The following KNDC1 variants were observed in gnomAD, a reference collection of about 807,000 sequenced individuals.
The protein encoded by KNDC1 is kinase non-catalytic C-lobe domain-containing protein 1.
In KNDC1, 106 loss-of-function variants were observed where a neutral mutation model predicts 172.8. The observed-to-expected ratio is 0.61, with a 90% confidence interval of 0.52 to 0.72. KNDC1 has a LOEUF of 0.72. Among genes scored for constraint, KNDC1 ranks in the 30% least tolerant of loss-of-function variants. The pLI, the probability that KNDC1 is intolerant of heterozygous loss-of-function variation, is 0.00. For synonymous variants in KNDC1, 1,083 were observed against 1,062.2 expected, an observed-to-expected ratio of 1.02 and a Z score of -0.38; for missense variants, 2,325 against 2,394.5, an observed-to-expected ratio of 0.97 and a Z score of 0.61.
intron 5 of KNDC1, 52 bp from the exon 6 acceptor site, chr10:133,185,921 AG>A (rs1270628406): frequency 6.2e-6 from 6 of 960,382 alleles, no homozygotes; most frequent in Admixed American, 7.8e-5. Context: ...GCGGGAGGAG[AG>A]GGGAGGGGCG....
Position 133,160,636 on chromosome 10 carries a change from G to A in KNDC1, c.102+67G>A, listed in dbSNP as rs902130154. 4.6e-6 allele frequency: 5 copies of A among 1,089,422 alleles called. No individual in the cohort carries two copies. In the East Asian group the frequency reaches 1.2e-4, roughly 27 times the overall value. 67.5% of individuals were successfully genotyped at this position (1,089,422 alleles called of 1,614,324 possible). On this transcript the variant is annotated intron_variant, in intron 1 of 29. Coordinates refer to ENST00000304613, the MANE Select transcript of KNDC1 (RefSeq NM_152643.8). ...GGGGTCCGCGGAGAGCGCCCGGGGG[G>A]AGGACCCGGGAGGGGCTGTGAGCTC...
At chr10:133,215,838 C>A (rs1031443641) in intron 26 of KNDC1, among the ~76,000 whole-genome samples, 2 of 152,260 alleles carry the variant, frequency 1.3e-5, no homozygotes, top group African/African-American at 2.4e-5. Context: ...TGCAGGCTCA[C>A]ACCCAGGGCT....
intron 20 of KNDC1, 104 bp from the exon 21 acceptor site, chr10:133,210,507 A>C: frequency 1.4e-6 from 1 of 704,812 alleles, no homozygotes; most frequent in South Asian, 1.6e-5. Context: ...TGATACTCAA[A>C]GAAAACGCAC....
chr10:133,189,569 T>C (rs756965104), intron 7 of KNDC1, 29 bp from the exon 8 acceptor site: 2 of 1,606,880 alleles, frequency 1.2e-6, no homozygotes, highest in South Asian at 1.1e-5. Context: ...GCAGCATGCA[T>C]ACCCGCCCTG....
At chr10:133,197,946 T>A (rs1854240463) in intron 12 of KNDC1, among the ~76,000 whole-genome samples, 178 bp downstream of exon 12, 1 of 151,056 alleles carries the variant, frequency 6.6e-6, no homozygotes, top group Non-Finnish European at 1.5e-5. Flanking sequence ...AGCCCCCATC[T>A]CCCAAAACTC....
At chr10:133,169,584 C>G (rs368053748) in intron 3 of KNDC1, among the ~76,000 whole-genome samples, 2 of 152,122 alleles carry the variant, frequency 1.3e-5, no homozygotes, top group Admixed American at 1.3e-4. Flanking sequence ...GCCTCTGCTG[C>G]GGGGGTCCTA....
At chr10:133,211,390 CT>C in intron 21 of KNDC1, 31 bp from the exon 22 acceptor site, 2 of 1,602,288 alleles carry the variant, frequency 1.2e-6, no homozygotes, top group Non-Finnish European at 1.7e-6. Context: ...CTCCCACATC[CT>C]GGCAGCTCAG....
intron 7 of KNDC1, 39 bp downstream of exon 7, chr10:133,188,692 C>T (rs1398314464): frequency 3.8e-6 from 4 of 1,057,926 alleles, no homozygotes; most frequent in East Asian, 4.9e-5. Flanking sequence ...GCCGTCCCCA[C>T]CCCCCACTGC....
At chr10:133,200,593 G>T (rs1854335596) in intron 16 of KNDC1, 133 bp downstream of exon 16, 1 of 710,194 alleles carries the variant, frequency 1.4e-6, no homozygotes, top group South Asian at 2.8e-5. Context: ...TTTGCCCCGG[G>T]GGTGCCCAGC....
chr10:133,196,372 C>T (rs564126305), intron 10 of KNDC1, among the ~76,000 whole-genome samples: 42 of 152,236 alleles, frequency 2.8e-4, no homozygotes, highest in African/African-American at 9.4e-4. Context: ...GCAGGTGGGG[C>T]AGGAGCCAAA....
At chr10:133,173,099 A>G (rs1007076001) in intron 3 of KNDC1, among the ~76,000 whole-genome samples, 1 of 152,224 alleles carries the variant, frequency 6.6e-6, no homozygotes, top group African/African-American at 2.4e-5. Flanking sequence ...CTTCAGCTGC[A>G]GGTGCTCTCC....
Position 133,173,133 on chromosome 10 carries a change from A to C in KNDC1, c.360+4821A>C, listed in dbSNP as rs947839769. On this transcript the variant is annotated intron_variant, in intron 3 of 29. Coordinates refer to ENST00000304613, the MANE Select transcript of KNDC1 (RefSeq NM_152643.8). ...CCTCTTCAGGCGCTGCATTAGCTGC[A>C]GGTCACCCCAATTCTCTGATTGGAC... is the stretch of plus-strand genomic sequence containing the variant. Among the ~76,000 whole-genome samples the C allele has an allele frequency of 7.2e-5, 11 of 152,224 alleles. No individual in the cohort carries two copies. The South Asian group carries it at 8.3e-4, about 11-fold the overall frequency.
At chr10:133,217,050 CG>C (rs1564900718) in intron 26 of KNDC1, among the ~76,000 whole-genome samples, 1 of 152,198 alleles carries the variant, frequency 6.6e-6, no homozygotes, top group Non-Finnish European at 1.5e-5. Context: ...TCGTGTTGAA[CG>C]GGGACCGAGT....
chr10:133,212,255 GCA>G (rs1554920353), intron 23 of KNDC1, among the ~76,000 whole-genome samples: 1 of 150,442 alleles, frequency 6.6e-6, no homozygotes, highest in African/African-American at 2.5e-5. Context: ...ATCCACACAT[GCA>G]CACACGTGCA....
chr10:133,179,771 C>T (rs974601527), intron 3 of KNDC1, among the ~76,000 whole-genome samples: 1 of 152,184 alleles, frequency 6.6e-6, no homozygotes, highest in Non-Finnish European at 1.5e-5. Context: ...CACAGAGAGG[C>T]CCGGAGCAGG....
At chr10:133,222,201 T>C (rs113089024) in intron 29 of KNDC1, among the ~76,000 whole-genome samples, 8 of 145,780 alleles carry the variant, frequency 5.5e-5, no homozygotes, top group East Asian at 2.1e-4. Context: ...GAGAATGGCG[T>C]GAACCCGGGA....
intron 3 of KNDC1, among the ~76,000 whole-genome samples, chr10:133,176,918 G>A (rs1398769079): frequency 1.3e-5 from 2 of 152,232 alleles, no homozygotes; most frequent in African/African-American, 2.4e-5. Context: ...AGCACAGCTC[G>A]GAAATGTGCA....
chr10:133,178,581 C>T (rs1460220020), intron 3 of KNDC1, among the ~76,000 whole-genome samples: 1 of 152,092 alleles, frequency 6.6e-6, no homozygotes, highest in Non-Finnish European at 1.5e-5. Flanking sequence ...GGTTCCGGTC[C>T]CCCCTCTGCT....
At position 133,214,082 on chromosome 10, in the gene KNDC1, C is replaced by A; in HGVS notation, c.4637C>A (p.Thr1546Asn). ...QLLRNADDVS[T>N]WVAAEIVTSH... Reference sequence around the variant, plus strand: ...CTAAGAAACGCAGATGACGTCAGCACCTGGGTGGCTGCAGAGATTGTGACC... The same window carrying A: ...CTAAGAAACGCAGATGACGTCAGCAACTGGGTGGCTGCAGAGATTGTGACC... Residue 1546 changes from threonine to asparagine, a missense_variant, in exon 26 of 30, where the codon ACC (threonine) becomes AAC (asparagine). Coordinates refer to ENST00000304613, the MANE Select transcript of KNDC1 (RefSeq NM_152643.8). The A allele has an allele frequency of 6.2e-7, 1 of 1,614,170 alleles. No individual in the cohort carries two copies. Among genetic ancestry groups the A allele is most frequent in the South Asian group, 1.1e-5 (1 of 91,084 alleles).
Sources: gnomAD v4.1 joint callset for allele counts (sites outside exome capture counted in the v4.1 genomes callset) on GRCh38, gnomAD v4.1.1 for gene constraint, MANE v1.5 for transcripts, NCBI Gene and HGNC (gene_info 2026-07-23, HGNC 2026-07-21) for gene names.